LYRM4: variants seen among roughly 807,000 people sequenced by gnomAD.
LYRM4 encodes LYR motif-containing protein 4.
In LYRM4, 9 loss-of-function variants were observed where a neutral mutation model predicts 11.7. The ratio of observed to expected loss-of-function variants is 0.77; its 90% confidence interval spans 0.46 to 1.34. The LOEUF (loss-of-function observed/expected upper bound fraction) is 1.34. Ranked by LOEUF, LYRM4 falls within the 40% of genes most tolerant of loss-of-function variation. The probability of loss-of-function intolerance (pLI) is 0.00; values close to 1 mark genes in which losing one functional copy is unlikely to be tolerated. For synonymous variants in LYRM4, 42 were observed against 40.4 expected (o/e 1.04, Z -0.15); for missense variants, 133 against 112.5 (o/e 1.18, Z -0.82).
the LYRM4 span, among the ~76,000 whole-genome samples, chr6:5,069,795 T>G: frequency 6.6e-6 from 1 of 152,170 alleles, no homozygotes; most frequent in Non-Finnish European, 1.5e-5. Flanking sequence ...ATGTATTTTA[T>G]GTATTTATTT....
intron 2 of LYRM4, among the ~76,000 whole-genome samples, chr6:5,199,889 AAG>A (rs1197529670): frequency 6.6e-6 from 1 of 152,210 alleles, no homozygotes; most frequent in African/African-American, 2.4e-5. Context: ...AAGGTGCTAT[AAG>A]AGAGTTGATA....
Position 5,136,786 on chromosome 6 carries a change from G to A in LYRM4, c.208-27295C>T, listed in dbSNP as rs1035568369. ...ACTTCCTTCCTTTCCTGTGGCAGAGGGCTCCGCACAGAAGAAACTCTGGTC... is the reference window on the plus strand; with the variant it reads ...ACTTCCTTCCTTTCCTGTGGCAGAGAGCTCCGCACAGAAGAAACTCTGGTC... On this transcript the variant is annotated intron_variant, in intron 2 of 2. Coordinates refer to ENST00000330636, the MANE Select transcript of LYRM4 (RefSeq NM_020408.6). 1.1e-5 allele frequency: 11 copies of A among 985,232 alleles called. No homozygotes were observed. In the East Asian group the frequency reaches 7.9e-4, roughly 71 times the overall value. The allele number at this position is 985,232 out of a possible 1,614,324, so 61.0% of individuals were successfully genotyped here. A position where few individuals can be genotyped will look rare whatever the true frequency, so the allele number is the denominator to read the frequency against.
chr6:5,177,117 C>G (rs560113231), intron 2 of LYRM4, among the ~76,000 whole-genome samples: 1 of 152,190 alleles, frequency 6.6e-6, no homozygotes, highest in African/African-American at 2.4e-5. Context: ...GTTGCACCAT[C>G]GACAGCTGCC....
intron 1 of LYRM4, among the ~76,000 whole-genome samples, chr6:5,259,498 T>C (rs1442226489): frequency 2.0e-5 from 3 of 152,210 alleles, no homozygotes; most frequent in Non-Finnish European, 4.4e-5. Flanking sequence ...GCAGCATGAG[T>C]ATATTTTCCA....
chr6:5,091,275 G>A, the LYRM4 span, among the ~76,000 whole-genome samples: 2 of 152,162 alleles, frequency 1.3e-5, no homozygotes, highest in African/African-American at 4.8e-5. Flanking sequence ...CCTACAGAGT[G>A]GTCCTGGCTG....
chr6:5,136,845 T>C (rs994823891), intron 2 of LYRM4: 2 of 982,538 alleles, frequency 2.0e-6, no homozygotes, highest in African/African-American at 1.7e-5. Flanking sequence ...TTTATGGAGA[T>C]ATAATTCATA....
chr6:5,242,874 C>T (rs932535691), intron 1 of LYRM4, among the ~76,000 whole-genome samples: 9 of 150,404 alleles, frequency 6.0e-5, no homozygotes, highest in Admixed American at 6.6e-5. Flanking sequence ...CCCAGGTTCA[C>T]GCCATTCTCC....
chr6:5,246,987 A>G (rs1474462529), intron 1 of LYRM4, among the ~76,000 whole-genome samples: 2 of 152,188 alleles, frequency 1.3e-5, no homozygotes, highest in East Asian at 3.8e-4. Flanking sequence ...TTTATACGTC[A>G]GAGCCTCAAG....
At chr6:5,040,445 TA>T in the LYRM4 span, among the ~76,000 whole-genome samples, 11 of 151,458 alleles carry the variant, frequency 7.3e-5, no homozygotes, top group African/African-American at 2.7e-4. Context: ...CTCATGCCTG[TA>T]ATCTCAGCAT....
intron 2 of LYRM4, among the ~76,000 whole-genome samples, chr6:5,145,852 A>G (rs1757691590): frequency 2.0e-5 from 3 of 152,142 alleles, no homozygotes; most frequent in African/African-American, 4.8e-5. Flanking sequence ...CAGCATATTC[A>G]GCCTTTAAAT....
In LYRM4 at chr6:5,243,009, A is replaced by G. The variant is rs370591948; in HGVS notation, c.86+17639T>C. On this transcript the variant is annotated intron_variant, in intron 1 of 2. Coordinates refer to ENST00000330636, the MANE Select transcript of LYRM4 (RefSeq NM_020408.6). ...AGGATGGTCTCGATCTCCTGACCTC[A>G]TGATCCACCCGCCTCGGCCTCCCAA... Among the ~76,000 whole-genome samples, 503 of 151,428 alleles carry G rather than the reference A, an allele frequency of 3.3e-3. 5 individuals are homozygous for G. The highest frequency in any genetic ancestry group is 0.011 in the African/African-American group (453 of 41,256).
At chr6:5,071,852 C>T in the LYRM4 span, among the ~76,000 whole-genome samples, 1 of 152,058 alleles carries the variant, frequency 6.6e-6, no homozygotes, top group Non-Finnish European at 1.5e-5. Context: ...ACCATGTTGG[C>T]CAGGCCGGTC....
intron 2 of LYRM4, chr6:5,187,071 A>C: frequency 1.0e-6 from 1 of 960,836 alleles, no homozygotes; most frequent in Non-Finnish European, 1.2e-6. Flanking sequence ...TAACAAATCT[A>C]AGAAACAATA....
the LYRM4 span, among the ~76,000 whole-genome samples, chr6:5,041,631 T>A: frequency 6.6e-6 from 1 of 152,242 alleles, no homozygotes; most frequent in Admixed American, 6.5e-5. Context: ...TTGTCATGAC[T>A]TGAAAGCAAG....
intron 2 of LYRM4, among the ~76,000 whole-genome samples, chr6:5,168,970 A>T (rs1401770821): frequency 6.6e-6 from 1 of 152,180 alleles, no homozygotes; most frequent in Non-Finnish European, 1.5e-5. Flanking sequence ...GCAAACAGTA[A>T]CAGCTGGTGA....
intron 2 of LYRM4, among the ~76,000 whole-genome samples, chr6:5,164,447 C>A (rs373510422): frequency 6.6e-6 from 1 of 152,132 alleles, no homozygotes; most frequent in African/African-American, 2.4e-5. Context: ...TAATAATGAG[C>A]AAGACTGATC....
At chr6:5,057,692 G>A in the LYRM4 span, among the ~76,000 whole-genome samples, 1 of 150,978 alleles carries the variant, frequency 6.6e-6, no homozygotes, top group South Asian at 2.1e-4. Flanking sequence ...TCTAGCCTGG[G>A]CGACAGAGCG....
intron 2 of LYRM4, among the ~76,000 whole-genome samples, chr6:5,121,667 A>G (rs1763463945): frequency 6.6e-6 from 1 of 152,226 alleles, no homozygotes; most frequent in Admixed American, 6.5e-5. Context: ...GTCAGAGGAA[A>G]ACCTGGCATT....
chr6:5,237,078 C>G (rs1763593113), intron 1 of LYRM4, among the ~76,000 whole-genome samples: 1 of 152,212 alleles, frequency 6.6e-6, no homozygotes, highest in Non-Finnish European at 1.5e-5. Flanking sequence ...GCTTTCTACT[C>G]AGTCTAGAGC....
Sources: allele counts gnomAD v4.1 joint callset (sites outside exome capture counted in the v4.1 genomes callset), GRCh38; gene constraint gnomAD v4.1.1; transcripts MANE v1.5; gene names NCBI Gene and HGNC (gene_info 2026-07-23, HGNC 2026-07-21).